The following EEFSEC variants were observed in gnomAD, a reference collection of about 807,000 sequenced individuals.
EEFSEC encodes the protein eukaryotic elongation factor, selenocysteine-tRNA specific, also known as selenocysteine-specific elongation factor.
EEFSEC carries 43 observed loss-of-function variants against 42.1 expected under a neutral mutation model. That is an observed-to-expected ratio of 1.02 (90% CI 0.80 to 1.32). The LOEUF (loss-of-function observed/expected upper bound fraction) is 1.32. EEFSEC is among the 40% of genes most tolerant of loss of function. The probability of loss-of-function intolerance (pLI) is 0.00; values close to 1 mark genes in which losing one functional copy is unlikely to be tolerated. For synonymous variants in EEFSEC, 354 were observed against 339.1 expected (o/e 1.04, Z -0.48); for missense variants, 745 against 803.6 (o/e 0.93, Z 0.88).
At chr3:128,380,901 A>G (rs1235120188) in intron 6 of EEFSEC, among the ~76,000 whole-genome samples, 1 of 152,178 alleles carries the variant, frequency 6.6e-6, no homozygotes, top group African/African-American at 2.4e-5. Flanking sequence ...CCCCACCAGC[A>G]CTGTGTTATC....
At chr3:128,291,030 A>G (rs2066639099) in intron 4 of EEFSEC, among the ~76,000 whole-genome samples, 1 of 152,096 alleles carries the variant, frequency 6.6e-6, no homozygotes, top group South Asian at 2.1e-4. Flanking sequence ...GATTACAGGC[A>G]TGAACCACCG....
chr3:128,325,078 C>T (rs1272144027), intron 4 of EEFSEC, among the ~76,000 whole-genome samples: 1 of 152,230 alleles, frequency 6.6e-6, no homozygotes, highest in Non-Finnish European at 1.5e-5. Context: ...ACATCCCTCG[C>T]TGGCCTACTC....
At chr3:128,418,917 C>T in the EEFSEC span, among the ~76,000 whole-genome samples, 28 of 152,222 alleles carry the variant, frequency 1.8e-4, no homozygotes, top group Non-Finnish European at 4.1e-4. Context: ...TCTGTGCCAT[C>T]CCCTCAAGAC....
At chr3:128,315,842 AT>A (rs2066939353) in intron 4 of EEFSEC, among the ~76,000 whole-genome samples, 1 of 152,214 alleles carries the variant, frequency 6.6e-6, no homozygotes, top group African/African-American at 2.4e-5. Flanking sequence ...TATGTTATAC[AT>A]TTGTATAGTG....
chr3:128,390,476 G>A (rs1207897565), intron 6 of EEFSEC, among the ~76,000 whole-genome samples: 2 of 152,260 alleles, frequency 1.3e-5, no homozygotes, highest in African/African-American at 2.4e-5. Context: ...TGAGACAGAT[G>A]TGAATCACCT....
At chr3:128,401,274 T>A (rs887749747) in intron 6 of EEFSEC, among the ~76,000 whole-genome samples, 2 of 152,112 alleles carry the variant, frequency 1.3e-5, no homozygotes, top group Non-Finnish European at 2.9e-5. Flanking sequence ...GCTGGGGCAT[T>A]TTTCTTCCCT....
At chr3:128,236,866 G>C (rs1338774738) in intron 1 of EEFSEC, among the ~76,000 whole-genome samples, 1 of 152,192 alleles carries the variant, frequency 6.6e-6, no homozygotes, top group Non-Finnish European at 1.5e-5. Flanking sequence ...TTTCTCCCCA[G>C]GATGCTTAGC....
intron 4 of EEFSEC, among the ~76,000 whole-genome samples, chr3:128,325,153 C>T (rs932007379): frequency 1.5e-4 from 23 of 152,206 alleles, no homozygotes; most frequent in Non-Finnish European, 2.9e-4. Context: ...CACTGCTCCC[C>T]GTGCCATACA....
chr3:128,378,810 C>T (rs921788296), intron 6 of EEFSEC, among the ~76,000 whole-genome samples: 1 of 152,226 alleles, frequency 6.6e-6, no homozygotes, highest in African/African-American at 2.4e-5. Context: ...ACTCCCGTCC[C>T]ACAGGGAGGC....
intron 1 of EEFSEC, among the ~76,000 whole-genome samples, chr3:128,199,945 G>T (rs1277428438): frequency 6.6e-6 from 1 of 152,060 alleles, no homozygotes; most frequent in Non-Finnish European, 1.5e-5. Context: ...CTTTGGCCAG[G>T]CTGGCCTTGA....
At chr3:128,192,745 G>A (rs534721152) in intron 1 of EEFSEC, among the ~76,000 whole-genome samples, 11 of 152,266 alleles carry the variant, frequency 7.2e-5, no homozygotes, top group African/African-American at 2.6e-4. Context: ...TGTTGGGGGA[G>A]GAGGTACAGA....
At chr3:128,346,132 G>T (rs2977571) in intron 5 of EEFSEC, among the ~76,000 whole-genome samples, 1 of 152,240 alleles carries the variant, frequency 6.6e-6, no homozygotes, top group African/African-American at 2.4e-5. Flanking sequence ...AAGCTGGTCA[G>T]GTACCCTACC....
intron 6 of EEFSEC, among the ~76,000 whole-genome samples, chr3:128,378,515 C>T (rs113863680): frequency 2.0e-5 from 3 of 152,330 alleles, no homozygotes; most frequent in African/African-American, 7.2e-5. Context: ...GGGAGATAAG[C>T]CCACCTACAG....
intron 4 of EEFSEC, among the ~76,000 whole-genome samples, chr3:128,310,710 T>C (rs560365608): frequency 6.6e-6 from 1 of 152,378 alleles, no homozygotes; most frequent in East Asian, 1.9e-4. Context: ...TGCATTCTAC[T>C]CCAATTTTTT....
At chr3:128,355,753 A>G (rs115848458) in intron 5 of EEFSEC, among the ~76,000 whole-genome samples, 2,886 of 152,318 alleles carry the variant, frequency 0.019, 99 homozygotes, top group African/African-American at 0.064. Flanking sequence ...GAATGTAGCT[A>G]TGGAGGAGAG....
the EEFSEC span, among the ~76,000 whole-genome samples, chr3:128,414,226 T>C: frequency 7.2e-5 from 11 of 152,206 alleles, no homozygotes; most frequent in Non-Finnish European, 1.0e-4. Context: ...GGAGGGTCTG[T>C]GGGGTGTGGT....
intron 1 of EEFSEC, among the ~76,000 whole-genome samples, chr3:128,244,032 C>T (rs550253376): frequency 1.4e-4 from 21 of 152,204 alleles, no homozygotes; most frequent in Non-Finnish European, 2.6e-4. Context: ...CCTTAAGGAA[C>T]GCATGAGGTT....
At chr3:128,316,821 G>A (rs2066950906) in intron 4 of EEFSEC, among the ~76,000 whole-genome samples, 4 of 152,268 alleles carry the variant, frequency 2.6e-5, no homozygotes, top group East Asian at 1.9e-4. Context: ...CATGACATAC[G>A]ACAGCAGGGA....
intron 6 of EEFSEC, among the ~76,000 whole-genome samples, chr3:128,374,927 T>C (rs972627243): frequency 1.3e-5 from 2 of 152,232 alleles, no homozygotes; most frequent in African/African-American, 2.4e-5. Flanking sequence ...CTCATGCTCT[T>C]AGCCCTGTGT....
Sources: gnomAD v4.1 joint callset for allele counts (sites outside exome capture counted in the v4.1 genomes callset) on GRCh38, gnomAD v4.1.1 for gene constraint, MANE v1.5 for transcripts, NCBI Gene and HGNC (gene_info 2026-07-23, HGNC 2026-07-21) for gene names.